Variants in EFCAB6 observed in about 807,000 individuals in gnomAD.
The protein encoded by EFCAB6 is EF-hand calcium binding domain 6.
A neutral mutation model predicts 169.8 loss-of-function variants in EFCAB6; 156 were observed. The ratio of observed to expected loss-of-function variants is 0.92; its 90% confidence interval spans 0.81 to 1.05. The LOEUF (loss-of-function observed/expected upper bound fraction) is 1.05, where lower values mean the gene tolerates loss of function less well. Among genes scored for constraint, EFCAB6 ranks in the 50% least tolerant of loss-of-function variants. EFCAB6 has a pLI of 0.00. For synonymous variants in EFCAB6, 698 were observed against 676.4 expected (o/e 1.03, Z -0.50); for missense variants, 1,800 against 1,829.1 (o/e 0.98, Z 0.29).
At chr22:43,637,067 A>G (rs535557820) in intron 17 of EFCAB6, among the ~76,000 whole-genome samples, 2 of 152,296 alleles carry the variant, frequency 1.3e-5, no homozygotes, top group East Asian at 3.9e-4. Context: ...CTGTATCCAA[A>G]GAGGCCACAT....
chr22:43,623,241 T>C (rs1477260326), intron 20 of EFCAB6, among the ~76,000 whole-genome samples: 1 of 152,214 alleles, frequency 6.6e-6, no homozygotes, highest in Non-Finnish European at 1.5e-5. Flanking sequence ...CTAATTTTGC[T>C]AAAAGGACAC....
chr22:43,670,863 C>CCAGCAGCAG (rs754391057), intron 15 of EFCAB6, among the ~76,000 whole-genome samples: 1 of 151,808 alleles, frequency 6.6e-6, no homozygotes, highest in South Asian at 2.1e-4. Context: ...GGAGCTGAGA[C>CCAGCAGCAG]CAGCAGCAGC....
intron 9 of EFCAB6, among the ~76,000 whole-genome samples, chr22:43,712,431 A>C (rs2059193678): frequency 6.6e-6 from 1 of 152,224 alleles, no homozygotes; most frequent in African/African-American, 2.4e-5. Flanking sequence ...GAACATGGAA[A>C]TATATGTATA....
intron 18 of EFCAB6, among the ~76,000 whole-genome samples, chr22:43,633,084 C>CACT (rs1374450559): frequency 6.6e-6 from 1 of 152,222 alleles, no homozygotes; most frequent in Non-Finnish European, 1.5e-5. Context: ...TCATCCCATG[C>CACT]ACTTTACCTA....
intron 4 of EFCAB6, among the ~76,000 whole-genome samples, chr22:43,770,149 AC>A (rs1192963253): frequency 6.6e-6 from 1 of 151,914 alleles, no homozygotes; most frequent in African/African-American, 2.4e-5. Context: ...GAGCCACCGT[AC>A]CCAGCCAAGG....
chr22:43,579,900 G>A (rs1482207971), intron 25 of EFCAB6, among the ~76,000 whole-genome samples: 19 of 112,608 alleles, frequency 1.7e-4, no homozygotes, highest in African/African-American at 6.6e-4. Flanking sequence ...GCATCATTCC[G>A]TACACGCAGG....
chr22:43,773,038 T>C lies in EFCAB6; in HGVS notation c.205A>G (p.Thr69Ala), dbSNP rs574527745. The change falls in exon 4 of 32, where the codon ACC becomes GCC. Residue 69 changes from threonine (T) to alanine (A), a missense_variant. Coordinates refer to ENST00000262726, the MANE Select transcript of EFCAB6 (RefSeq NM_022785.4). ...DVKRILFQKI[T>A]DRGDELQKAF... ...TTTTGCAACTCATCCCCTCTGTCGG[T>C]AATTTTTTGAAATAAAATCCGTTTA... The C allele has an allele frequency of 1.2e-4, 193 of 1,614,260 alleles. No individual in the cohort carries two copies. The highest frequency in any genetic ancestry group is 3.2e-4 in the Admixed American group (19 of 60,036).
chr22:43,682,846 A>C (rs775856961), intron 12 of EFCAB6, among the ~76,000 whole-genome samples: 12 of 152,234 alleles, frequency 7.9e-5, no homozygotes, highest in Non-Finnish European at 1.6e-4. Flanking sequence ...GTAAAGATTC[A>C]TTCAAAGAAC....
At chr22:43,619,569 A>G (rs1036951388) in intron 20 of EFCAB6, among the ~76,000 whole-genome samples, 1 of 152,214 alleles carries the variant, frequency 6.6e-6, no homozygotes, top group Admixed American at 6.5e-5. Flanking sequence ...GAAAGAAAGA[A>G]GAAGGAAAAA....
At chr22:43,618,085 G>C (rs372659985) in intron 20 of EFCAB6, among the ~76,000 whole-genome samples, 15 of 144,666 alleles carry the variant, frequency 1.0e-4, no homozygotes, top group Non-Finnish European at 2.1e-4. Flanking sequence ...CTGGGTGACA[G>C]AGTGAGACTC....
intron 20 of EFCAB6, among the ~76,000 whole-genome samples, chr22:43,624,427 C>T (rs926153788): frequency 9.2e-5 from 14 of 152,190 alleles, no homozygotes; most frequent in Admixed American, 3.9e-4. Context: ...AGCCCGCCCT[C>T]CTGCCCTCCT....
At chr22:43,784,561 A>G (rs1452224784) in intron 2 of EFCAB6, among the ~76,000 whole-genome samples, 1 of 79,198 alleles carries the variant, frequency 1.3e-5, no homozygotes, top group Non-Finnish European at 2.3e-5. Flanking sequence ...ATATATACAC[A>G]TATATATGTG....
intron 27 of EFCAB6, among the ~76,000 whole-genome samples, chr22:43,545,262 A>T (rs893156948): frequency 4.6e-5 from 7 of 152,024 alleles, no homozygotes; most frequent in African/African-American, 1.7e-4. Context: ...TCTGGCCACA[A>T]TACAATACAA....
chr22:43,676,953 T>G (rs2147045241), intron 13 of EFCAB6, among the ~76,000 whole-genome samples: 1 of 152,298 alleles, frequency 6.6e-6, no homozygotes, highest in Non-Finnish European at 1.5e-5. Context: ...AGTAGAAACA[T>G]CACCTTTAGG....
In EFCAB6 at chr22:43,616,797, G is replaced by A. The variant is rs1038146603; in HGVS notation, c.2466-875C>T. Among the ~76,000 whole-genome samples, 102 of 152,320 alleles carry A rather than the reference G, an allele frequency of 6.7e-4. 1 individual carries two copies. The highest frequency in any genetic ancestry group is 1.9e-3 in the African/African-American group (77 of 41,566). On this transcript the variant is annotated intron_variant, in intron 20 of 31. Coordinates refer to ENST00000262726, the MANE Select transcript of EFCAB6 (RefSeq NM_022785.4). ...TAAAGGCTGAGGCTGGAGGGGCTGG[G>A]ATGCCCTAGATCTTTCCACGCACTA...
chr22:43,652,362 C>T (rs1195410547), intron 17 of EFCAB6, among the ~76,000 whole-genome samples: 6 of 152,206 alleles, frequency 3.9e-5, no homozygotes. Context: ...TCGCCTTCCA[C>T]CATGATTGTG....
intron 20 of EFCAB6, among the ~76,000 whole-genome samples, chr22:43,620,927 C>A (rs1487547087): frequency 1.3e-5 from 2 of 152,124 alleles, no homozygotes; most frequent in African/African-American, 2.4e-5. Context: ...AATACACATT[C>A]TTTTCAAGTA....
intron 21 of EFCAB6, among the ~76,000 whole-genome samples, chr22:43,612,786 C>T (rs2053408120): frequency 6.6e-6 from 1 of 151,814 alleles, no homozygotes; most frequent in South Asian, 2.1e-4. Context: ...CCGAGCTACT[C>T]AGGAGGCTGA....
chr22:43,734,463 T>G (rs966175123), intron 7 of EFCAB6, among the ~76,000 whole-genome samples: 2 of 152,204 alleles, frequency 1.3e-5, no homozygotes, highest in Admixed American at 6.5e-5. Flanking sequence ...TATTCAATAC[T>G]TATGAGATGG....
Sources: allele counts gnomAD v4.1 joint callset (sites outside exome capture counted in the v4.1 genomes callset), GRCh38; gene constraint gnomAD v4.1.1; transcripts MANE v1.5; gene names NCBI Gene and HGNC (gene_info 2026-07-23, HGNC 2026-07-21).